CNTNAP2: variants seen among roughly 807,000 people sequenced by gnomAD.
CNTNAP2 encodes contactin-associated protein-like 2.
A neutral mutation model predicts 155.2 loss-of-function variants in CNTNAP2; 98 were observed. The observed-to-expected ratio is 0.63, with a 90% CI of 0.54 to 0.75. The LOEUF (loss-of-function observed/expected upper bound fraction) is 0.75. Ranked by LOEUF, CNTNAP2 falls within the 30% of genes least tolerant of loss-of-function variation. The pLI is 0.00. For missense variants in CNTNAP2, 1,727 were observed against 1,688.1 expected, an observed-to-expected ratio of 1.02 and a Z score of -0.40; for synonymous variants, 651 against 631.2, an observed-to-expected ratio of 1.03 and a Z score of -0.47.
chr7:146,626,658 A>C (rs1475047533), intron 1 of CNTNAP2, among the ~76,000 whole-genome samples: 5 of 152,190 alleles, frequency 3.3e-5, no homozygotes, highest in Admixed American at 2.0e-4. Flanking sequence ...ACATCAACTC[A>C]TCATGAATTA....
intron 1 of CNTNAP2, among the ~76,000 whole-genome samples, chr7:146,612,944 T>C (rs913943805): frequency 2.0e-5 from 3 of 152,004 alleles, no homozygotes. Context: ...TTTTTTTTTT[T>C]TTTGCCACAA....
intron 4 of CNTNAP2, 39 bp from the exon 5 acceptor site, chr7:147,108,108 C>A: frequency 6.4e-7 from 1 of 1,562,812 alleles, no homozygotes; most frequent in Non-Finnish European, 8.8e-7. Context: ...TGGTAACATA[C>A]ATGGCTGAAC....
At chr7:147,924,591 G>A (rs981433389) in intron 14 of CNTNAP2, among the ~76,000 whole-genome samples, 4 of 152,146 alleles carry the variant, frequency 2.6e-5, no homozygotes, top group Non-Finnish European at 4.4e-5. Flanking sequence ...AGGAGTGAAC[G>A]GGAGGCAATC....
chr7:146,676,822 G>C (rs1295509094), intron 1 of CNTNAP2, among the ~76,000 whole-genome samples: 1 of 152,052 alleles, frequency 6.6e-6, no homozygotes, highest in Non-Finnish European at 1.5e-5. Context: ...GAACAGTATG[G>C]GGGAAACTGC....
At chr7:146,158,324 C>T (rs1003378804) in intron 1 of CNTNAP2, among the ~76,000 whole-genome samples, 9 of 152,188 alleles carry the variant, frequency 5.9e-5, no homozygotes, top group Admixed American at 1.3e-4. Flanking sequence ...AAAATCAGAG[C>T]GCCTCTTCTC....
intron 9 of CNTNAP2, among the ~76,000 whole-genome samples, chr7:147,393,728 TAC>T (rs964323554): frequency 5.3e-5 from 8 of 151,618 alleles, no homozygotes; most frequent in African/African-American, 1.9e-4. Flanking sequence ...AAAATACACA[TAC>T]ACACACACAC....
intron 14 of CNTNAP2, among the ~76,000 whole-genome samples, chr7:147,969,239 C>T (rs939801201): frequency 2.0e-5 from 3 of 152,080 alleles, no homozygotes; most frequent in Non-Finnish European, 2.9e-5. Flanking sequence ...TTGGTAGAGA[C>T]AGGGTTTCGC....
chr7:147,110,720 G>A (rs1405551419), intron 5 of CNTNAP2, among the ~76,000 whole-genome samples: 3 of 152,124 alleles, frequency 2.0e-5, no homozygotes, highest in African/African-American at 7.2e-5. Flanking sequence ...CCTTTTTATG[G>A]CTGCGTAGTA....
At chr7:146,883,651 C>T (rs915115979) in intron 3 of CNTNAP2, among the ~76,000 whole-genome samples, 3 of 152,240 alleles carry the variant, frequency 2.0e-5, no homozygotes, top group African/African-American at 7.2e-5. Flanking sequence ...AATACACACA[C>T]ATTATCATTT....
At chr7:148,320,369 T>A (rs986328173) in intron 21 of CNTNAP2, among the ~76,000 whole-genome samples, 9 of 140,214 alleles carry the variant, frequency 6.4e-5, no homozygotes, top group African/African-American at 2.3e-4. Context: ...ACAAAGAATT[T>A]TTTTTTCTTT....
chr7:146,203,254 T>C (rs1246011592), intron 1 of CNTNAP2, among the ~76,000 whole-genome samples: 1 of 152,114 alleles, frequency 6.6e-6, no homozygotes, highest in Non-Finnish European at 1.5e-5. Flanking sequence ...AGGACTCAGT[T>C]TTCAAGAATG....
intron 8 of CNTNAP2, among the ~76,000 whole-genome samples, chr7:147,254,966 T>G (rs1288213287): frequency 6.6e-6 from 1 of 152,226 alleles, no homozygotes; most frequent in Non-Finnish European, 1.5e-5. Context: ...TAGAATTGCC[T>G]TTATTTCTAA....
At chr7:147,768,644 C>A (rs1166187846) in intron 13 of CNTNAP2, among the ~76,000 whole-genome samples, 2 of 151,944 alleles carry the variant, frequency 1.3e-5, no homozygotes, top group Non-Finnish European at 2.9e-5. Flanking sequence ...ACAAAATAAG[C>A]AATTGATGAC....
intron 9 of CNTNAP2, among the ~76,000 whole-genome samples, chr7:147,382,431 G>A (rs1280984951): frequency 1.3e-5 from 2 of 152,140 alleles, no homozygotes; most frequent in African/African-American, 2.4e-5. Context: ...GAAGTGCCAG[G>A]ATCAACTCTT....
rs566703322 is a variant in CNTNAP2 at position 146,279,424 on chromosome 7, C to T, written c.97+162451C>T. 6.7e-3 allele frequency among the ~76,000 whole-genome samples: 919 copies of T among 136,502 alleles called. 7 individuals are homozygous for T. Among genetic ancestry groups the T allele is most frequent in the Non-Finnish European group, 7.8e-3 (516 of 66,138 alleles). 89.6% of individuals were successfully genotyped at this position (136,502 alleles called of 152,430 possible). The stretch of plus-strand genomic sequence containing the variant: ...TGTTACTTCATTAAAAAATTCATTT[C>T]CTTAAACACACACACACACACACAC... On this transcript the variant is annotated intron_variant, in intron 1 of 23. Transcript: ENST00000361727.
intron 13 of CNTNAP2, among the ~76,000 whole-genome samples, chr7:147,692,837 A>T (rs369969207): frequency 6.6e-6 from 1 of 151,988 alleles, no homozygotes; most frequent in Admixed American, 6.6e-5. Context: ...AGAGCAGAAA[A>T]TTTAATTTTA....
At chr7:147,801,310 T>TG (rs1797979194) in intron 13 of CNTNAP2, among the ~76,000 whole-genome samples, 1 of 440 alleles carries the variant, frequency 2.3e-3, no homozygotes, top group South Asian at 0.12. Context: ...TTCTATGAAG[T>TG]TTTTTTTTTT....
chr7:146,374,231 T>A (rs7804084), intron 1 of CNTNAP2, among the ~76,000 whole-genome samples: 4,961 of 152,250 alleles, frequency 0.033, 280 homozygotes, highest in African/African-American at 0.11. Context: ...AGTAAGTTAA[T>A]TAAAAATATC....
intron 1 of CNTNAP2, among the ~76,000 whole-genome samples, chr7:146,761,284 TGGAAGGAA>T (rs369635102): frequency 0.036 from 5,275 of 144,612 alleles, 143 homozygotes; most frequent in African/African-American, 0.074. Flanking sequence ...TCATAATTGC[TGGAAGGAA>T]GGAAGGAAGG....
Sources: gnomAD v4.1 joint callset for allele counts (sites outside exome capture counted in the v4.1 genomes callset) on GRCh38, gnomAD v4.1.1 for gene constraint, MANE v1.5 for transcripts, NCBI Gene and HGNC (gene_info 2026-07-23, HGNC 2026-07-21) for gene names.